The following SLC35F4 variants were observed in gnomAD, a reference collection of about 807,000 sequenced individuals.
SLC35F4 encodes chromosome 14 open reading frame 36.
In SLC35F4, 24 loss-of-function variants were observed where a neutral mutation model predicts 44.2. The observed-to-expected ratio is 0.54, with a 90% confidence interval of 0.39 to 0.76. SLC35F4 has a LOEUF of 0.76. SLC35F4 is among the 30% of genes least tolerant of loss of function. The probability of loss-of-function intolerance (pLI) is 0.00; values close to 1 mark genes in which losing one functional copy is unlikely to be tolerated. For synonymous variants in SLC35F4, 238 were observed against 223.6 expected (o/e 1.06, Z -0.57); for missense variants, 562 against 586.1 (o/e 0.96, Z 0.42).
At chr14:57,646,211 T>C (rs1197513169) in intron 1 of SLC35F4, among the ~76,000 whole-genome samples, 2 of 152,160 alleles carry the variant, frequency 1.3e-5, no homozygotes, top group African/African-American at 2.4e-5. Context: ...CCAGCTCCTC[T>C]TTGTACCTCT....
At chr14:57,754,931 G>T (rs1261116546) in intron 1 of SLC35F4, among the ~76,000 whole-genome samples, 1 of 152,190 alleles carries the variant, frequency 6.6e-6, no homozygotes, top group Non-Finnish European at 1.5e-5. Flanking sequence ...GAGCCAGATG[G>T]AAGAGGCTTC....
intron 1 of SLC35F4, among the ~76,000 whole-genome samples, chr14:57,946,694 T>C (rs986543438): frequency 2.6e-5 from 4 of 152,108 alleles, no homozygotes; most frequent in Non-Finnish European, 4.4e-5. Flanking sequence ...CAGGCTGGTC[T>C]CCAACTCCTG....
intron 4 of SLC35F4, among the ~76,000 whole-genome samples, chr14:57,575,617 C>T (rs756076215): frequency 6.6e-6 from 1 of 152,224 alleles, no homozygotes; most frequent in Non-Finnish European, 1.5e-5. Flanking sequence ...AACCTCTCTG[C>T]CCTCACACAT....
At chr14:57,809,585 A>G (rs945029758) in intron 1 of SLC35F4, among the ~76,000 whole-genome samples, 1 of 152,192 alleles carries the variant, frequency 6.6e-6, no homozygotes, top group Admixed American at 6.5e-5. Flanking sequence ...ATCACCCTTT[A>G]CTGTCTTAAC....
chr14:57,702,960 T>C (rs2075579216), intron 1 of SLC35F4, among the ~76,000 whole-genome samples: 1 of 152,158 alleles, frequency 6.6e-6, no homozygotes, highest in African/African-American at 2.4e-5. Context: ...ATTGTCTTTG[T>C]TTTTAAAAAT....
intron 1 of SLC35F4, among the ~76,000 whole-genome samples, chr14:57,732,299 G>T (rs547838024): frequency 6.6e-6 from 1 of 152,126 alleles, no homozygotes; most frequent in Non-Finnish European, 1.5e-5. Context: ...CTAATTACAG[G>T]TTTTATTTCT....
At chr14:57,675,172 C>A (rs2074650429) in intron 1 of SLC35F4, among the ~76,000 whole-genome samples, 1 of 151,974 alleles carries the variant, frequency 6.6e-6, no homozygotes, top group African/African-American at 2.4e-5. Flanking sequence ...TCTGATAGGG[C>A]TTTCAGTTAT....
Position 57,581,254 on chromosome 14 carries a change from A to C in SLC35F4, c.767T>G (p.Leu256Arg), listed in dbSNP as rs2069231839. The C allele has an allele frequency of 6.2e-7, 1 of 1,606,638 alleles. No individual in the cohort carries two copies. ...FCCNKAFVFL[L>R]SWIVLKDRFM... Reference sequence around the variant, plus strand: ...CCTGTCTTTCAGCACAATCCATGACAGCAAGAAGACAAAGGCTTTGTTACA... The same window carrying C: ...CCTGTCTTTCAGCACAATCCATGACCGCAAGAAGACAAAGGCTTTGTTACA... The change falls in exon 4 of 8, where the codon CTG (leucine) becomes CGG (arginine). Residue 256 changes from leucine (L) to arginine (R), a missense_variant. Physicochemically the swap from Leu to Arg is moderately radical, Grantham distance 102. Transcript: ENST00000556826.
chr14:57,813,609 T>G (rs998367015), intron 1 of SLC35F4, among the ~76,000 whole-genome samples: 2 of 152,116 alleles, frequency 1.3e-5, no homozygotes, highest in Non-Finnish European at 2.9e-5. Flanking sequence ...TAAAAAGTAT[T>G]TTATAAGTAT....
At chr14:57,635,245 CAAA>C (rs201670634) in intron 1 of SLC35F4, among the ~76,000 whole-genome samples, 3 of 116,036 alleles carry the variant, frequency 2.6e-5, no homozygotes, top group South Asian at 2.8e-4. Flanking sequence ...GACTCTTACT[CAAA>C]AAAAAAAAAA....
intron 5 of SLC35F4, 150 bp downstream of exon 5, chr14:57,571,744 C>T (rs2068516162): frequency 8.8e-7 from 1 of 1,139,156 alleles, no homozygotes; most frequent in Non-Finnish European, 1.2e-6. Flanking sequence ...CAGGCAGGTA[C>T]CCATCACATA....
At chr14:57,672,810 A>T (rs7144116) in intron 1 of SLC35F4, among the ~76,000 whole-genome samples, 95,386 of 151,470 alleles carry the variant, frequency 0.63, 30,424 homozygotes, top group African/African-American at 0.71. Flanking sequence ...TAGAATAACA[A>T]AGTTGAGTTA....
intron 1 of SLC35F4, among the ~76,000 whole-genome samples, chr14:57,625,405 C>T (rs1338464346): frequency 6.6e-6 from 1 of 152,066 alleles, no homozygotes; most frequent in Non-Finnish European, 1.5e-5. Context: ...CAATGCTATC[C>T]CTATCAAGCT....
chr14:57,752,090 T>G (rs2076898217), intron 1 of SLC35F4, among the ~76,000 whole-genome samples: 1 of 152,278 alleles, frequency 6.6e-6, no homozygotes, highest in East Asian at 1.9e-4. Flanking sequence ...TGGCTTTTGA[T>G]TTTTCTGTTG....
rs574932325 is a variant in SLC35F4 at position 57,692,787 on chromosome 14, A to C, written c.104-98663T>G. Among the ~76,000 whole-genome samples, 110 of 152,096 alleles carry C rather than the reference A, an allele frequency of 7.2e-4. 1 individual carries two copies. The highest frequency in any genetic ancestry group is 3.9e-4 in the Admixed American group (6 of 15,258). On this transcript the variant is annotated intron_variant, in intron 1 of 7. Coordinates refer to ENST00000556826, the MANE Select transcript of SLC35F4 (RefSeq NM_001306087.2). Reference sequence around the variant, plus strand: ...TTTAACTGAAAAACCCTTACTTATAATCCACAAGGCTAAGTAACAGGCCTG... The same window carrying C: ...TTTAACTGAAAAACCCTTACTTATACTCCACAAGGCTAAGTAACAGGCCTG...
At chr14:57,592,306 G>T (rs1187451083) in intron 2 of SLC35F4, among the ~76,000 whole-genome samples, 1 of 152,156 alleles carries the variant, frequency 6.6e-6, no homozygotes, top group Non-Finnish European at 1.5e-5. Context: ...AGTGATAATA[G>T]CTATCTCATA....
intron 1 of SLC35F4, among the ~76,000 whole-genome samples, chr14:57,853,749 G>C (rs1169549198): frequency 6.6e-6 from 1 of 152,204 alleles, no homozygotes; most frequent in African/African-American, 2.4e-5. Context: ...AGAATGGGGA[G>C]CATGTGCCAG....
intron 1 of SLC35F4, among the ~76,000 whole-genome samples, chr14:57,643,611 T>G (rs111248785): frequency 2.6e-4 from 39 of 152,254 alleles, no homozygotes; most frequent in Middle Eastern, 3.4e-3. Flanking sequence ...ATTGGTCATT[T>G]TTTTTAAATT....
At chr14:57,847,858 A>G (rs904567783) in intron 1 of SLC35F4, among the ~76,000 whole-genome samples, 1 of 152,240 alleles carries the variant, frequency 6.6e-6, no homozygotes, top group Admixed American at 6.5e-5. Flanking sequence ...TAAAAGTTGG[A>G]AGATACTGAG....
Sources: gnomAD v4.1 joint callset for allele counts (sites outside exome capture counted in the v4.1 genomes callset) on GRCh38, gnomAD v4.1.1 for gene constraint, MANE v1.5 for transcripts, NCBI Gene and HGNC (gene_info 2026-07-23, HGNC 2026-07-21) for gene names.